EXOC6B: variants seen among roughly 807,000 people sequenced by gnomAD.
The protein encoded by EXOC6B is SEC15 homolog B.
In EXOC6B, 54 loss-of-function variants were observed where a neutral mutation model predicts 113.5. That is an observed-to-expected ratio of 0.48 (90% CI 0.38 to 0.60). The LOEUF is 0.60. EXOC6B is among the 20% of genes least tolerant of loss of function. The pLI, the probability that EXOC6B is intolerant of heterozygous loss-of-function variation, is 0.00. For missense variants in EXOC6B, 797 were observed against 977.5 expected (o/e 0.82, Z 2.46); for synonymous variants, 357 against 339.0 (o/e 1.05, Z -0.58).
intron 18 of EXOC6B, 172 bp downstream of exon 18, chr2:72,464,988 A>G: frequency 1.6e-6 from 1 of 606,366 alleles, no homozygotes; most frequent in South Asian, 2.3e-5. Flanking sequence ...GTCAATGAAA[A>G]AATGATGGAA....
chr2:72,185,499 T>C (rs1364395975), intron 20 of EXOC6B, among the ~76,000 whole-genome samples: 2 of 152,202 alleles, frequency 1.3e-5, no homozygotes, highest in South Asian at 2.1e-4. Context: ...AAAGTCCCTA[T>C]ACCCTCAGCC....
chr2:72,280,853 G>A (rs1449904260), intron 20 of EXOC6B, among the ~76,000 whole-genome samples: 2 of 151,994 alleles, frequency 1.3e-5, no homozygotes, highest in African/African-American at 4.8e-5. Context: ...ACTCACAGCT[G>A]GATAAACAAA....
At chr2:72,400,472 G>C (rs1383439142) in intron 18 of EXOC6B, among the ~76,000 whole-genome samples, 1 of 152,006 alleles carries the variant, frequency 6.6e-6, no homozygotes. Context: ...CATCTGCACA[G>C]TGAAAGAAAT....
chr2:72,272,438 G>A (rs1407385525), intron 20 of EXOC6B, among the ~76,000 whole-genome samples: 1 of 152,080 alleles, frequency 6.6e-6, no homozygotes, highest in Non-Finnish European at 1.5e-5. Flanking sequence ...CAGGGTGGAG[G>A]AGTTGGGTGT....
intron 6 of EXOC6B, among the ~76,000 whole-genome samples, chr2:72,668,896 C>T (rs1279319108): frequency 6.6e-6 from 1 of 152,056 alleles, no homozygotes; most frequent in African/African-American, 2.4e-5. Flanking sequence ...AATAAACCTC[C>T]ACATGTACCC....
At chr2:72,760,151 C>T (rs1219807365) in intron 1 of EXOC6B, among the ~76,000 whole-genome samples, 1 of 152,126 alleles carries the variant, frequency 6.6e-6, no homozygotes, top group East Asian at 1.9e-4. Flanking sequence ...TCATATGCTC[C>T]TTCTCTTGAA....
intron 18 of EXOC6B, among the ~76,000 whole-genome samples, chr2:72,407,177 T>A (rs1406847326): frequency 6.6e-6 from 1 of 152,104 alleles, no homozygotes; most frequent in African/African-American, 2.4e-5. Context: ...AGAAGTTGAA[T>A]CTCTGAATAG....
intron 6 of EXOC6B, among the ~76,000 whole-genome samples, chr2:72,670,318 T>C (rs1422774280): frequency 5.9e-5 from 9 of 152,232 alleles, no homozygotes; most frequent in Non-Finnish European, 4.4e-5. Context: ...ATTGTGTAGA[T>C]ATATTATTAA....
chr2:72,233,404 T>A (rs1356790702), intron 20 of EXOC6B, among the ~76,000 whole-genome samples: 1 of 152,066 alleles, frequency 6.6e-6, no homozygotes, highest in African/African-American at 2.4e-5. Context: ...GGCCCCAGCC[T>A]GTCTGGGCTC....
intron 1 of EXOC6B, among the ~76,000 whole-genome samples, chr2:72,773,891 G>A (rs913577307): frequency 2.0e-5 from 3 of 152,136 alleles, no homozygotes; most frequent in Non-Finnish European, 4.4e-5. Flanking sequence ...AGACTTTTCA[G>A]ATAATTTTAT....
intron 19 of EXOC6B, among the ~76,000 whole-genome samples, chr2:72,373,107 C>T (rs926453686): frequency 6.6e-5 from 10 of 150,496 alleles, no homozygotes; most frequent in African/African-American, 2.2e-4. Context: ...CTGCAATGCC[C>T]AGGCTGGAGT....
At chr2:72,234,035 C>A (rs1681801628) in intron 20 of EXOC6B, among the ~76,000 whole-genome samples, 1 of 151,982 alleles carries the variant, frequency 6.6e-6, no homozygotes, top group South Asian at 2.1e-4. Context: ...AGTGTCCAGC[C>A]CAGCAGTCCT....
intron 20 of EXOC6B, among the ~76,000 whole-genome samples, chr2:72,296,562 C>T (rs1407345255): frequency 1.3e-5 from 2 of 152,004 alleles, no homozygotes; most frequent in East Asian, 1.9e-4. Context: ...TTCTATTTTG[C>T]CTGCTCCTAA....
intron 18 of EXOC6B, among the ~76,000 whole-genome samples, chr2:72,440,808 T>C (rs1219944317): frequency 6.6e-6 from 1 of 152,010 alleles, no homozygotes; most frequent in East Asian, 1.9e-4. Context: ...GTGTCACACA[T>C]AGGCTCAAAA....
chr2:72,563,502 A>G (rs1438059468), intron 7 of EXOC6B, among the ~76,000 whole-genome samples: 1 of 152,128 alleles, frequency 6.6e-6, no homozygotes, highest in Admixed American at 6.6e-5. Context: ...AACACATGGG[A>G]CCAATGTATA....
At chr2:72,387,664 A>G (rs535035527) in intron 18 of EXOC6B, among the ~76,000 whole-genome samples, 1 of 152,212 alleles carries the variant, frequency 6.6e-6, no homozygotes, top group Non-Finnish European at 1.5e-5. Flanking sequence ...TTGACTATAT[A>G]TTTAGTCTCT....
chr2:72,764,364 C>CTTTTT (rs397869115), intron 1 of EXOC6B, among the ~76,000 whole-genome samples: 80 of 66,814 alleles, frequency 1.2e-3, no homozygotes, highest in African/African-American at 2.7e-3. Context: ...TATTTTCTCT[C>CTTTTT]TTTTTTTTTT....
chr2:72,426,487 A>G lies in EXOC6B; in HGVS notation c.1980+38673T>C, dbSNP rs550157262. Among the ~76,000 whole-genome samples the G allele has an allele frequency of 1.7e-4, 26 of 152,206 alleles. No homozygotes were observed. The South Asian group carries it at 5.4e-3, about 32-fold the overall frequency. Reference sequence around the variant, plus strand: ...ACTCATATACAGGTCTGAAGTTGACATTTATATTATAAGAGGGGAGTTTAA... The same window carrying G: ...ACTCATATACAGGTCTGAAGTTGACGTTTATATTATAAGAGGGGAGTTTAA... On this transcript the variant is annotated intron_variant, in intron 18 of 21. Coordinates refer to ENST00000272427, the MANE Select transcript of EXOC6B (RefSeq NM_015189.3).
At chr2:72,570,836 T>C (rs576103015) in intron 7 of EXOC6B, among the ~76,000 whole-genome samples, 1 of 152,322 alleles carries the variant, frequency 6.6e-6, no homozygotes, top group South Asian at 2.1e-4. Context: ...CATGCAAATA[T>C]ACATTGTCAA....
Sources: gnomAD v4.1 joint callset for allele counts (sites outside exome capture counted in the v4.1 genomes callset) on GRCh38, gnomAD v4.1.1 for gene constraint, MANE v1.5 for transcripts, NCBI Gene and HGNC (gene_info 2026-07-23, HGNC 2026-07-21) for gene names.